The following POLR3C variants were observed in gnomAD, a reference collection of about 807,000 sequenced individuals.
The protein encoded by POLR3C is RNA polymerase III subunit C.
POLR3C carries 44 observed loss-of-function variants against 65.9 expected under a neutral mutation model. That is an observed-to-expected ratio of 0.67 (90% CI 0.52 to 0.86). POLR3C has a LOEUF of 0.86. POLR3C is among the 40% of genes least tolerant of loss of function. The probability of loss-of-function intolerance (pLI) is 0.00; values close to 1 mark genes in which losing one functional copy is unlikely to be tolerated. For missense variants in POLR3C, 576 were observed against 653.2 expected, an observed-to-expected ratio of 0.88 and a Z score of 1.29; for synonymous variants, 263 against 231.6, an observed-to-expected ratio of 1.14 and a Z score of -1.23.
chr1:145,841,773 G>A (rs1261225063), intron 14 of POLR3C, among the ~76,000 whole-genome samples: 5 of 149,938 alleles, frequency 3.3e-5, no homozygotes, highest in African/African-American at 7.3e-5. Flanking sequence ...TTTTACTTCT[G>A]TCTTTTCAAT....
At position 145,833,568 on chromosome 1, in the gene POLR3C, T is replaced by C. The variant is rs1553727803; in HGVS notation, c.862T>C (p.Leu288=). 1.2e-6 allele frequency: 2 copies of C among 1,606,694 alleles called. No individual in the cohort carries two copies. The highest frequency in any genetic ancestry group is 1.1e-5 in the South Asian group (1 of 90,944). The change falls in exon 7 of 15, where the codon TTG becomes CTG. Residue 288 remains leucine, a synonymous_variant. Coordinates refer to ENST00000334163, the MANE Select transcript of POLR3C (RefSeq NM_006468.8). ...TSSSAPFTQP[L]SSNEIFRSLP... ...CTCTAGTGCTCCCTTCACCCAGCCA[T>C]TGTCTTCCAATGAGGTGAGTTTCAT...
At chr1:145,840,479 G>A in intron 13 of POLR3C, 1 of 321,918 alleles carries the variant, frequency 3.1e-6, no homozygotes, top group Non-Finnish European at 5.8e-6. Context: ...AGTGGAGGTT[G>A]CAGTGAACCA....
In POLR3C at chr1:145,836,822, T is replaced by G; in HGVS notation, c.965T>G (p.Phe322Cys). 1 of 1,586,290 alleles carries G rather than the reference T, an allele frequency of 6.3e-7. No individual in the cohort carries two copies. The highest frequency in any genetic ancestry group is 1.1e-5 in the South Asian group (1 of 89,856). ...LTLLADDPLE[F>C]VGKSGDSGGG... ...CTCTCTTTTTCTTAATAGCTAGAGT[T>G]TGTTGGAAAGTCTGGCGACAGTGGT... is the stretch of plus-strand genomic sequence containing the variant. Residue 322 changes from phenylalanine to cysteine, a missense_variant, in exon 9 of 15, where the codon TTT becomes TGT. Transcript: ENST00000334163.
intron 13 of POLR3C, chr1:145,840,408 C>T (rs1652200159): frequency 1.8e-5 from 8 of 449,150 alleles, no homozygotes; most frequent in Admixed American, 1.4e-4. Context: ...GGCATGGTGG[C>T]GGGCACCTAT....
Position 145,826,821 on chromosome 1 carries a change from T to C in POLR3C, c.405T>C (p.Asp135=). 1 of 1,608,140 alleles carries C rather than the reference T, an allele frequency of 6.2e-7. No homozygotes were observed. The highest frequency in any genetic ancestry group is 8.5e-7 in the Non-Finnish European group (1 of 1,176,014). The change falls in exon 4 of 15, where the codon GAT becomes GAC. Residue 135 remains aspartate (D), a splice_region_variant and synonymous_variant. Coordinates refer to ENST00000334163, the MANE Select transcript of POLR3C (RefSeq NM_006468.8). The part of the protein sequence containing the change: ...VADRLTETME[D]GKTMDYAEVS... Reference sequence around the variant, plus strand: ...TGCCTTTTTCCTCCTGTTATACAGATGGCAAGACCATGGACTATGCTGAAG... The same window carrying C: ...TGCCTTTTTCCTCCTGTTATACAGACGGCAAGACCATGGACTATGCTGAAG...
chr1:145,826,335 T>G, intron 2 of POLR3C, 119 bp from the exon 3 acceptor site: 2 of 763,590 alleles, frequency 2.6e-6, no homozygotes, highest in Non-Finnish European at 4.4e-6. Flanking sequence ...AGGAAATAAG[T>G]GCAGAAATTA....
rs1312355805 is a variant in POLR3C, at chr1:145,833,553, C to T, written c.847C>T (p.Pro283Ser). 1.2e-6 allele frequency: 2 copies of T among 1,611,670 alleles called. No homozygotes were observed. The highest frequency in any genetic ancestry group is 1.7e-6 in the Non-Finnish European group (2 of 1,177,724). Residue 283 changes from proline (P) to serine (S), a missense_variant, in exon 7 of 15, where the codon CCC becomes TCC. By Grantham distance (74) the Pro-to-Ser change is moderately conservative (BLOSUM62 -1). Transcript: ENST00000334163. ...TGAGATTACCACTTCCTCTAGTGCTCCCTTCACCCAGCCATTGTCTTCCAA... is the reference window on the plus strand; with the variant it reads ...TGAGATTACCACTTCCTCTAGTGCTTCCTTCACCCAGCCATTGTCTTCCAA... ...MSEITTSSSA[P>S]FTQPLSSNEI...
At chr1:145,840,518 C>A in intron 13 of POLR3C, 1 of 254,000 alleles carries the variant, frequency 3.9e-6, no homozygotes, top group Non-Finnish European at 7.6e-6. Context: ...CCAGCCTGGG[C>A]GACAAAGTGA....
At chr1:145,827,392 G>A (rs946627864) in intron 4 of POLR3C, among the ~76,000 whole-genome samples, 6 of 152,028 alleles carry the variant, frequency 3.9e-5, no homozygotes, top group African/African-American at 9.7e-5. Context: ...TGAGGCAGGC[G>A]AATTGCATGA....
intron 14 of POLR3C, among the ~76,000 whole-genome samples, chr1:145,841,936 G>T: frequency 6.6e-6 from 1 of 152,170 alleles, no homozygotes; most frequent in East Asian, 1.9e-4. Context: ...TATGATGTTA[G>T]CTGTGGGTTT....
At chr1:145,842,264 C>T (rs1456653443) in intron 14 of POLR3C, 75 bp from the exon 15 acceptor site, 1 of 875,656 alleles carries the variant, frequency 1.1e-6, no homozygotes, top group Non-Finnish European at 1.8e-6. Flanking sequence ...TCCATGGCCA[C>T]ACCCACCCTA....
rs782361451 is a variant in POLR3C at position 145,836,514 on chromosome 1, T to G, written c.897T>G (p.Val299=). 1.9e-6 allele frequency: 3 copies of G among 1,603,082 alleles called. No homozygotes were observed. In the South Asian group the frequency reaches 3.3e-5, roughly 18 times the overall value. Residue 299 remains valine, a synonymous_variant, in exon 8 of 15, where the codon GTT becomes GTG. Transcript: ENST00000334163. The stretch of plus-strand genomic sequence containing the variant: ...CATAGATCTTCAGATCCCTACCTGT[T>G]GGCTATAACATCTCTAAGCAAGTTC... ...SSNEIFRSLP[V]GYNISKQVLD... is the part of the protein sequence containing the mutation.
chr1:145,843,576 T>C lies in POLR3C; in HGVS notation c.*1156T>C, dbSNP rs1488733909. On this transcript the variant is annotated 3_prime_UTR_variant, in exon 15 of 15. Transcript: ENST00000334163. ...TAAGTACTGGGGTAAGCCTTGGGGA[T>C]ATAAAGATTAATAAATTTTGAGCAT... Among the ~76,000 whole-genome samples the C allele has an allele frequency of 9.2e-5, 14 of 152,218 alleles. No individual in the cohort carries two copies. The highest frequency in any genetic ancestry group is 4.4e-5 in the Non-Finnish European group (3 of 68,018).
chr1:145,834,776 C>T (rs1363894410), intron 7 of POLR3C, among the ~76,000 whole-genome samples: 3 of 152,050 alleles, frequency 2.0e-5, no homozygotes, highest in South Asian at 2.1e-4. Context: ...GCACACGGTC[C>T]GTTGTTGACT....
At chr1:145,836,235 C>T (rs1334276185) in intron 7 of POLR3C, among the ~76,000 whole-genome samples, 1 of 152,100 alleles carries the variant, frequency 6.6e-6, no homozygotes, top group Non-Finnish European at 1.5e-5. Context: ...GTTCTCCTGC[C>T]TCAGCCTCCC....
Position 145,833,475 on chromosome 1 carries a change from T to G in POLR3C, c.784-15T>G. The stretch of plus-strand genomic sequence containing the variant: ...AGCACTGTGATTTCTGAATTCTAGT[T>G]TACTTTTCAAACAGACAAGCAGCGA... On this transcript the variant is annotated splice_polypyrimidine_tract_variant and intron_variant, in intron 6 of 14. Transcript: ENST00000334163. The G allele has an allele frequency of 6.2e-7, 1 of 1,607,020 alleles. No homozygotes were observed. The highest frequency in any genetic ancestry group is 8.5e-7 in the Non-Finnish European group (1 of 1,173,486).
intron 13 of POLR3C, chr1:145,840,376 CTAAAAA>C (rs1652197648): frequency 2.0e-6 from 1 of 506,720 alleles, no homozygotes; most frequent in African/African-American, 1.9e-5. Flanking sequence ...CCTGTCTTCA[CTAAAAA>C]TACAAAAATT....
At position 145,844,031 on chromosome 1, in the gene POLR3C, G is replaced by A. The variant is rs1027997853; in HGVS notation, c.*1611G>A. ...AGAAAGAATGAATGCTAGTGAGGATGTGGAAAAAGGAGAGCCCTGCCTGGT... is the reference window on the plus strand; with the variant it reads ...AGAAAGAATGAATGCTAGTGAGGATATGGAAAAAGGAGAGCCCTGCCTGGT... On this transcript the variant is annotated 3_prime_UTR_variant, in exon 15 of 15. Transcript: ENST00000334163. 3.1e-4 allele frequency among the ~76,000 whole-genome samples: 47 copies of A among 152,186 alleles called. No individual in the cohort carries two copies. Among genetic ancestry groups the A allele is most frequent in the African/African-American group, 1.1e-3 (45 of 41,444 alleles).
Position 145,825,808 on chromosome 1 carries a change from T to G in POLR3C, c.32T>G (p.Leu11Trp), listed in dbSNP as rs1369957774. MTQAEIKLCS[L>W]LLQEHFGEIV... is the part of the protein sequence containing the mutation. The stretch of plus-strand genomic sequence containing the variant: ...CAAGCAGAAATTAAGCTCTGTTCTT[T>G]GTTGCTGCAAGAGCATTTTGGAGAG... The change falls in exon 2 of 15, where the codon TTG (leucine) becomes TGG (tryptophan). Residue 11 changes from leucine to tryptophan, a missense_variant. Leu to Trp is a moderately conservative substitution (Grantham distance 61). Coordinates refer to ENST00000334163, the MANE Select transcript of POLR3C (RefSeq NM_006468.8). 6.2e-7 allele frequency: 1 copy of G among 1,613,638 alleles called. No individual in the cohort carries two copies. The highest frequency in any genetic ancestry group is 1.7e-5 in the Admixed American group (1 of 60,034).
Sources: gnomAD v4.1 joint callset for allele counts (sites outside exome capture counted in the v4.1 genomes callset) on GRCh38, gnomAD v4.1.1 for gene constraint, MANE v1.5 for transcripts, NCBI Gene and HGNC (gene_info 2026-07-23, HGNC 2026-07-21) for gene names.